ARHGAP15: variants seen among roughly 807,000 people sequenced by gnomAD.
ARHGAP15 encodes the protein rho GTPase-activating protein 15.
A neutral mutation model predicts 63.7 loss-of-function variants in ARHGAP15; 51 were observed. The observed-to-expected ratio is 0.80, with a 90% confidence interval of 0.64 to 1.01. ARHGAP15 has a LOEUF of 1.01. Among genes scored for constraint, ARHGAP15 ranks in the 50% least tolerant of loss-of-function variants. The pLI, the probability that ARHGAP15 is intolerant of heterozygous loss-of-function variation, is 0.00. For missense variants in ARHGAP15, 560 were observed against 564.6 expected (o/e 0.99, Z 0.08); for synonymous variants, 191 against 193.8 (o/e 0.99, Z 0.12).
intron 5 of ARHGAP15, among the ~76,000 whole-genome samples, chr2:143,241,261 G>A (rs949990866): frequency 1.3e-5 from 2 of 152,018 alleles, no homozygotes; most frequent in African/African-American, 4.8e-5. Context: ...GGAATCCTAG[G>A]TTCATATTTT....
chr2:143,627,194 G>A (rs1325686808), intron 12 of ARHGAP15, among the ~76,000 whole-genome samples: 11 of 152,070 alleles, frequency 7.2e-5, no homozygotes, highest in Non-Finnish European at 4.4e-5. Context: ...TTTATAGTAG[G>A]CCAAATGGAC....
At chr2:143,161,303 A>G (rs1027910394) in intron 2 of ARHGAP15, among the ~76,000 whole-genome samples, 5 of 151,978 alleles carry the variant, frequency 3.3e-5, no homozygotes, top group African/African-American at 1.2e-4. Context: ...AGAATGCTCA[A>G]TGACCTGTGA....
chr2:143,542,735 A>AAT (rs36056306), intron 10 of ARHGAP15, among the ~76,000 whole-genome samples: 2 of 90,772 alleles, frequency 2.2e-5, no homozygotes, highest in African/African-American at 7.4e-5. Flanking sequence ...TCACATATAT[A>AAT]ATATATATAT....
intron 6 of ARHGAP15, among the ~76,000 whole-genome samples, chr2:143,379,390 G>A (rs4281852): frequency 0.026 from 3,947 of 150,770 alleles, 67 homozygotes; most frequent in Middle Eastern, 0.048. Flanking sequence ...TGTTGGTGCC[G>A]ATCAGTGCTT....
At chr2:143,707,206 C>G (rs902129932) in intron 13 of ARHGAP15, among the ~76,000 whole-genome samples, 3 of 152,102 alleles carry the variant, frequency 2.0e-5, no homozygotes, top group Non-Finnish European at 2.9e-5. Flanking sequence ...AGGGGAGTTG[C>G]AATTGGATTG....
At chr2:143,178,044 G>C (rs1183645273) in intron 2 of ARHGAP15, among the ~76,000 whole-genome samples, 2 of 152,108 alleles carry the variant, frequency 1.3e-5, no homozygotes, top group East Asian at 1.9e-4. Context: ...AAATTTTTAA[G>C]AATATAATGT....
intron 2 of ARHGAP15, among the ~76,000 whole-genome samples, chr2:143,156,604 A>G (rs1315484418): frequency 6.6e-6 from 1 of 151,894 alleles, no homozygotes; most frequent in Non-Finnish European, 1.5e-5. Context: ...GCATGTTACC[A>G]ATTGTATTTA....
At chr2:143,637,382 C>A (rs1035484629) in intron 12 of ARHGAP15, among the ~76,000 whole-genome samples, 1 of 152,016 alleles carries the variant, frequency 6.6e-6, no homozygotes, top group Non-Finnish European at 1.5e-5. Flanking sequence ...CATTTTCTCT[C>A]TCAGATAAGT....
intron 5 of ARHGAP15, among the ~76,000 whole-genome samples, chr2:143,234,728 A>G (rs1693574193): frequency 6.6e-6 from 1 of 152,148 alleles, no homozygotes; most frequent in Non-Finnish European, 1.5e-5. Context: ...TCTTTATAAC[A>G]CTTTGGCCAG....
chr2:143,348,497 G>A (rs1685403573), intron 6 of ARHGAP15, among the ~76,000 whole-genome samples: 2 of 151,996 alleles, frequency 1.3e-5, no homozygotes, highest in Admixed American at 6.6e-5. Context: ...TGTTAATGAA[G>A]AATAAAACCA....
intron 10 of ARHGAP15, among the ~76,000 whole-genome samples, chr2:143,553,102 G>A (rs1284191192): frequency 6.6e-6 from 1 of 152,116 alleles, no homozygotes; most frequent in Non-Finnish European, 1.5e-5. Context: ...ATTGTAATTT[G>A]GGTAATAGTC....
At chr2:143,278,507 C>T (rs1558862352) in intron 6 of ARHGAP15, among the ~76,000 whole-genome samples, 1 of 152,122 alleles carries the variant, frequency 6.6e-6, no homozygotes, top group Non-Finnish European at 1.5e-5. Context: ...CTGAGAATGC[C>T]TGCTAAATTT....
intron 6 of ARHGAP15, among the ~76,000 whole-genome samples, chr2:143,333,067 G>T (rs571685954): frequency 6.6e-6 from 1 of 151,364 alleles, no homozygotes; most frequent in South Asian, 2.1e-4. Context: ...CTGGCAACCT[G>T]ACCAGACATA....
intron 8 of ARHGAP15, among the ~76,000 whole-genome samples, chr2:143,458,838 G>A (rs1690782520): frequency 6.6e-6 from 1 of 152,114 alleles, no homozygotes; most frequent in Non-Finnish European, 1.5e-5. Context: ...TGCAATACTT[G>A]GATTGTGATC....
intron 6 of ARHGAP15, chr2:143,295,697 C>T (rs1240723159): frequency 6.6e-6 from 1 of 151,988 alleles, no homozygotes; most frequent in Non-Finnish European, 1.5e-5. Context: ...TCTGTAATAA[C>T]AAGCAATTTT....
intron 13 of ARHGAP15, among the ~76,000 whole-genome samples, chr2:143,765,681 G>T (rs1020831323): frequency 6.6e-6 from 1 of 152,088 alleles, no homozygotes; most frequent in African/African-American, 2.4e-5. Flanking sequence ...ACCTTCTTAC[G>T]ATGGATCGTA....
At chr2:143,645,883 T>G (rs965164823) in intron 12 of ARHGAP15, among the ~76,000 whole-genome samples, 1 of 152,058 alleles carries the variant, frequency 6.6e-6, no homozygotes, top group African/African-American at 2.4e-5. Context: ...TTTGGCCAAG[T>G]TTTTGCAAAA....
At chr2:143,742,809 A>C (rs368435234) in intron 13 of ARHGAP15, among the ~76,000 whole-genome samples, 50 of 152,342 alleles carry the variant, frequency 3.3e-4, no homozygotes, top group African/African-American at 1.0e-3. Flanking sequence ...CCATGCAGCA[A>C]GTGTGGGAAG....
At chr2:143,222,203 G>T (rs2105157490) in intron 4 of ARHGAP15, among the ~76,000 whole-genome samples, 1 of 152,332 alleles carries the variant, frequency 6.6e-6, no homozygotes. Flanking sequence ...GTTTGAGAAT[G>T]AGTCTGTACG....
Sources: allele counts gnomAD v4.1 joint callset (sites outside exome capture counted in the v4.1 genomes callset), GRCh38; gene constraint gnomAD v4.1.1; transcripts MANE v1.5; gene names NCBI Gene and HGNC (gene_info 2026-07-23, HGNC 2026-07-21).